Variants in PPFIBP2 observed in about 807,000 individuals in gnomAD.
PPFIBP2 encodes the protein liprin-beta-2.
Under a neutral mutation model 118.3 loss-of-function variants are expected in PPFIBP2, and 118 were observed. That is an observed-to-expected ratio of 1.00 (90% CI 0.86 to 1.16). The LOEUF (loss-of-function observed/expected upper bound fraction) is 1.16. Ranked by LOEUF, PPFIBP2 falls within the 50% of genes most tolerant of loss-of-function variation. The pLI, the probability that PPFIBP2 is intolerant of heterozygous loss-of-function variation, is 0.00. For synonymous variants in PPFIBP2, 414 were observed against 397.4 expected, an observed-to-expected ratio of 1.04 and a Z score of -0.50; for missense variants, 1,195 against 1,073.1, an observed-to-expected ratio of 1.11 and a Z score of -1.59.
chr11:7,585,830 T>A (rs1858057435), intron 3 of PPFIBP2, among the ~76,000 whole-genome samples: 1 of 152,218 alleles, frequency 6.6e-6, no homozygotes, highest in Non-Finnish European at 1.5e-5. Flanking sequence ...AAAGTTCATG[T>A]TTAACCCAAA....
the PPFIBP2 span, chr11:7,667,298 A>C: frequency 6.6e-6 from 1 of 151,032 alleles, no homozygotes; most frequent in African/African-American, 2.4e-5. Context: ...AAGCATCTTA[A>C]AGAGAAGAAA....
At chr11:7,564,924 A>G (rs1328334560) in intron 2 of PPFIBP2, among the ~76,000 whole-genome samples, 1 of 152,240 alleles carries the variant, frequency 6.6e-6, no homozygotes, top group Non-Finnish European at 1.5e-5. Flanking sequence ...GCCAGCCCAG[A>G]GTCAAGATCC....
intron 4 of PPFIBP2, among the ~76,000 whole-genome samples, chr11:7,595,222 G>C (rs971705835): frequency 6.6e-6 from 1 of 152,144 alleles, no homozygotes. Context: ...AGGGTGGTGC[G>C]AGCTGCCTTT....
intron 1 of PPFIBP2, among the ~76,000 whole-genome samples, chr11:7,515,065 G>A (rs897707742): frequency 2.0e-5 from 3 of 152,134 alleles, no homozygotes; most frequent in African/African-American, 4.8e-5. Context: ...GTTGGTTTTC[G>A]ACATAATTCA....
At chr11:7,625,942 C>G (rs374759162) in intron 8 of PPFIBP2, 51 bp downstream of exon 8, 1 of 1,442,476 alleles carries the variant, frequency 6.9e-7, no homozygotes. Context: ...CCTGGGTCTA[C>G]TCTTATAAGT....
At chr11:7,577,623 C>G (rs1454607127) in intron 3 of PPFIBP2, 3 of 456,178 alleles carry the variant, frequency 6.6e-6, no homozygotes, top group African/African-American at 6.0e-5. Context: ...ACAAGCATTT[C>G]TCGTGGCTGA....
chr11:7,562,610 C>G (rs1182612113), intron 2 of PPFIBP2, among the ~76,000 whole-genome samples: 14 of 152,102 alleles, frequency 9.2e-5, no homozygotes. Context: ...CAAACTCTTC[C>G]TCTGAGAGGA....
At position 7,553,186 on chromosome 11, in the gene PPFIBP2, C is replaced by T. The variant is rs144401231; in HGVS notation, c.64+3647C>T. Reference sequence around the variant, plus strand: ...GAACTTCATTTATTTTCTCTATTTTCACCCTTGTTTCACTGATTCTTTTGG... The same window carrying T: ...GAACTTCATTTATTTTCTCTATTTTTACCCTTGTTTCACTGATTCTTTTGG... On this transcript the variant is annotated intron_variant, in intron 2 of 23. Coordinates refer to ENST00000299492, the MANE Select transcript of PPFIBP2 (RefSeq NM_003621.5). 2.0e-3 allele frequency among the ~76,000 whole-genome samples: 297 copies of T among 152,048 alleles called. 1 individual carries two copies. The highest frequency in any genetic ancestry group is 0.011 in the South Asian group (54 of 4,814).
chr11:7,650,547 T>A (rs1375325183), intron 21 of PPFIBP2, among the ~76,000 whole-genome samples: 1 of 152,250 alleles, frequency 6.6e-6, no homozygotes, highest in Non-Finnish European at 1.5e-5. Flanking sequence ...ACTGAAAGAA[T>A]AACTATAATG....
intron 1 of PPFIBP2, among the ~76,000 whole-genome samples, chr11:7,517,490 G>A (rs892515319): frequency 2.6e-5 from 4 of 151,948 alleles, no homozygotes; most frequent in African/African-American, 9.7e-5. Context: ...TTGATGCGTT[G>A]GGTACTACGG....
chr11:7,579,425 G>T lies in PPFIBP2; in HGVS notation c.279+13658G>T, dbSNP rs141290367. 4.0e-3 allele frequency among the ~76,000 whole-genome samples: 604 copies of T among 152,240 alleles called. 6 individuals are homozygous for T. Among genetic ancestry groups the T allele is most frequent in the African/African-American group, 0.014 (579 of 41,540 alleles). On this transcript the variant is annotated intron_variant, in intron 3 of 23. Transcript: ENST00000299492. ...GAGATGACCAGACGTTTTGGCAAAG[G>T]TTTGCATCATCTTAGGTTTTTTTTT...
intron 2 of PPFIBP2, among the ~76,000 whole-genome samples, chr11:7,562,192 T>A (rs915138961): frequency 2.0e-5 from 3 of 152,192 alleles, no homozygotes; most frequent in African/African-American, 7.2e-5. Flanking sequence ...GCAGCCCAGT[T>A]CCTAACAGGC....
intron 1 of PPFIBP2, among the ~76,000 whole-genome samples, chr11:7,529,597 C>T (rs1334199759): frequency 6.6e-6 from 1 of 152,228 alleles, no homozygotes; most frequent in Non-Finnish European, 1.5e-5. Flanking sequence ...GAGGACAAAG[C>T]CAGCCAGCCA....
intron 3 of PPFIBP2, chr11:7,577,332 T>TGTGTGTGTGTGTGC: frequency 8.2e-6 from 2 of 243,442 alleles, no homozygotes; most frequent in South Asian, 3.2e-5. Flanking sequence ...TGTGTGTGTG[T>TGTGTGTGTGTGTGC]GTGTGTGTGT....
chr11:7,643,621 T>A (rs1852541630), intron 17 of PPFIBP2, among the ~76,000 whole-genome samples: 1 of 152,248 alleles, frequency 6.6e-6, no homozygotes, highest in African/African-American at 2.4e-5. Context: ...AAAATGAATT[T>A]GCTCGTGGAA....
At chr11:7,649,802 C>T in intron 21 of PPFIBP2, 148 bp downstream of exon 21, 1 of 1,243,544 alleles carries the variant, frequency 8.0e-7, no homozygotes, top group Non-Finnish European at 1.1e-6. Flanking sequence ...CTTCCTGTTG[C>T]CCCAAACATC....
At chr11:7,624,375 A>C (rs1003799418) in intron 7 of PPFIBP2, among the ~76,000 whole-genome samples, 4 of 152,258 alleles carry the variant, frequency 2.6e-5, no homozygotes, top group Non-Finnish European at 4.4e-5. Flanking sequence ...GTAAGAAAGC[A>C]GTGAGCACGG....
At chr11:7,558,892 G>A (rs1853972028) in intron 2 of PPFIBP2, among the ~76,000 whole-genome samples, 1 of 152,114 alleles carries the variant, frequency 6.6e-6, no homozygotes, top group South Asian at 2.1e-4. Flanking sequence ...ATTCTCAGGT[G>A]ACCTCTATAA....
Position 7,634,512 on chromosome 11 carries a change from C to CTT in PPFIBP2, c.1155_1156dup (p.Cys386PhefsTer4). 1 of 1,613,014 alleles carries CTT rather than the reference C, an allele frequency of 6.2e-7. No homozygotes were observed. Among genetic ancestry groups the CTT allele is most frequent in the African/African-American group, 1.3e-5 (1 of 74,974 alleles). On this transcript the variant is annotated frameshift_variant, in exon 13 of 24. Transcript: ENST00000299492. LOFTEE classifies it high-confidence loss of function. ...TTTTTCAGGGCTCAGAAAAAGCTCTCTTGTAGTCTAGAAGACTTGAGAAGT... is the reference window on the plus strand; with the variant it reads ...TTTTTCAGGGCTCAGAAAAAGCTCTCTTTTGTAGTCTAGAAGACTTGAGAAGT...
Sources: allele counts gnomAD v4.1 joint callset (sites outside exome capture counted in the v4.1 genomes callset), GRCh38; gene constraint gnomAD v4.1.1; transcripts MANE v1.5; gene names NCBI Gene and HGNC (gene_info 2026-07-23, HGNC 2026-07-21).